CTNNA2: variants seen among roughly 807,000 people sequenced by gnomAD.
CTNNA2 encodes the protein catenin alpha-2.
In CTNNA2, 42 loss-of-function variants were observed where a neutral mutation model predicts 101.0. The ratio of observed to expected loss-of-function variants is 0.42; its 90% CI spans 0.32 to 0.54. The LOEUF is 0.54. Among genes scored for constraint, CTNNA2 ranks in the 20% least tolerant of loss-of-function variants. CTNNA2 has a pLI of 0.14. For missense variants in CTNNA2, 871 were observed against 1,223.1 expected (o/e 0.71, Z 4.29); for synonymous variants, 450 against 456.4 (o/e 0.99, Z 0.18).
intron 9 of CTNNA2, among the ~76,000 whole-genome samples, chr2:80,421,076 G>A (rs1277557105): frequency 6.6e-6 from 1 of 152,040 alleles, no homozygotes; most frequent in Non-Finnish European, 1.5e-5. Flanking sequence ...TGGAAGCTCT[G>A]ATCACTTTCG....
chr2:79,832,505 C>G (rs1212269083), intron 3 of CTNNA2, among the ~76,000 whole-genome samples: 1 of 152,112 alleles, frequency 6.6e-6, no homozygotes, highest in Non-Finnish European at 1.5e-5. Flanking sequence ...TTGATATGGC[C>G]TGTTTTTTGT....
chr2:80,601,421 C>CT (rs56921519), intron 15 of CTNNA2, among the ~76,000 whole-genome samples: 1,372 of 84,364 alleles, frequency 0.016, 39 homozygotes, highest in African/African-American at 0.048. Flanking sequence ...TTCTTTCTTT[C>CT]TTTTTTTTTT....
intron 2 of CTNNA2, among the ~76,000 whole-genome samples, chr2:79,723,263 C>T (rs1573790977): frequency 6.6e-6 from 1 of 152,166 alleles, no homozygotes; most frequent in East Asian, 1.9e-4. Flanking sequence ...GACCAGGGAT[C>T]TCTAAAAAAT....
rs573778006 is a variant in CTNNA2, at chr2:79,624,548, C to T, written c.-5-27004C>T. 2.8e-4 allele frequency among the ~76,000 whole-genome samples: 42 copies of T among 152,142 alleles called. 1 individual carries two copies. In the South Asian group the frequency reaches 7.5e-3, roughly 27 times the overall value. On this transcript the variant is annotated intron_variant, in intron 1 of 18. Coordinates refer to ENST00000402739, the MANE Select transcript of CTNNA2 (RefSeq NM_001282597.3). ...GAAGATATTTTAGGAAAGGTAATGC[C>T]GGGGAGGACTGCAATCAAATAGATG...
chr2:80,531,154 G>A (rs886542611), intron 9 of CTNNA2, among the ~76,000 whole-genome samples: 3 of 152,152 alleles, frequency 2.0e-5, no homozygotes, highest in South Asian at 4.1e-4. Flanking sequence ...GTCAAGGACA[G>A]CAGTCAGGTT....
At chr2:79,992,758 C>T (rs1692270691) in intron 7 of CTNNA2, among the ~76,000 whole-genome samples, 1 of 152,080 alleles carries the variant, frequency 6.6e-6, no homozygotes, top group Non-Finnish European at 1.5e-5. Context: ...TTATGGTTTG[C>T]TTTTTTCTTA....
At chr2:79,683,791 G>A (rs144604212) in intron 2 of CTNNA2, among the ~76,000 whole-genome samples, 1 of 152,316 alleles carries the variant, frequency 6.6e-6, no homozygotes, top group East Asian at 1.9e-4. Flanking sequence ...CAACACAGAT[G>A]CATACAGGCA....
intron 1 of CTNNA2, among the ~76,000 whole-genome samples, chr2:79,642,722 C>T (rs952917459): frequency 3.8e-4 from 58 of 151,876 alleles, no homozygotes; most frequent in African/African-American, 1.4e-3. Context: ...TGGTGGGAGC[C>T]AGGATGCCTT....
At chr2:79,400,994 G>C (rs1678284260) in intron 4 of CTNNA2, among the ~76,000 whole-genome samples, 2 of 151,904 alleles carry the variant, frequency 1.3e-5, no homozygotes, top group Non-Finnish European at 2.9e-5. Context: ...TAAGACTTCT[G>C]TGTCTAGCAA....
intron 7 of CTNNA2, among the ~76,000 whole-genome samples, chr2:80,329,136 C>T (rs984114393): frequency 6.6e-6 from 1 of 152,210 alleles, no homozygotes; most frequent in African/African-American, 2.4e-5. Flanking sequence ...CACACAAACT[C>T]TGTTTGCCCC....
In CTNNA2 at chr2:80,136,435, A is replaced by G. The variant is rs116702242; in HGVS notation, c.1056+226638A>G. 5.3e-3 allele frequency among the ~76,000 whole-genome samples: 813 copies of G among 152,300 alleles called. 8 individuals carry two copies. Among genetic ancestry groups the G allele is most frequent in the African/African-American group, 0.018 (763 of 41,568 alleles). ...ATGCTAAGTTTGTTGGCTTTCTTCT[A>G]TGAATAGTCAATGTACCCTGCTTGG... On this transcript the variant is annotated intron_variant, in intron 7 of 18. Transcript: ENST00000402739.
chr2:79,827,420 A>C (rs1678534031), intron 3 of CTNNA2, among the ~76,000 whole-genome samples: 1 of 152,190 alleles, frequency 6.6e-6, no homozygotes, highest in Admixed American at 6.5e-5. Context: ...GTTGGCTTGC[A>C]GACGGAAAAT....
chr2:80,199,189 A>G (rs1159107485), intron 7 of CTNNA2, among the ~76,000 whole-genome samples: 1 of 144,378 alleles, frequency 6.9e-6, no homozygotes, highest in African/African-American at 2.8e-5. Flanking sequence ...TCAGAAAAAA[A>G]AAAAAAAAAA....
intron 9 of CTNNA2, among the ~76,000 whole-genome samples, chr2:80,432,862 T>C (rs1681669025): frequency 6.6e-6 from 1 of 152,098 alleles, no homozygotes; most frequent in Non-Finnish European, 1.5e-5. Flanking sequence ...TACAAGGTAG[T>C]TGGATGGTAA....
intron 2 of CTNNA2, among the ~76,000 whole-genome samples, chr2:79,682,909 GCAAAAATACAAA>G (rs1683681924): frequency 6.6e-6 from 1 of 152,054 alleles, no homozygotes; most frequent in African/African-American, 2.4e-5. Flanking sequence ...TTTCCTACTT[GCAAAAATACAAA>G]CAAAAATACA....
intron 7 of CTNNA2, among the ~76,000 whole-genome samples, chr2:80,021,170 C>G (rs1008272724): frequency 6.6e-6 from 1 of 151,758 alleles, no homozygotes; most frequent in African/African-American, 2.4e-5. Context: ...CAGGCACATG[C>G]CACCATGCCT....
At chr2:80,443,941 C>A (rs939228115) in intron 9 of CTNNA2, among the ~76,000 whole-genome samples, 3 of 152,112 alleles carry the variant, frequency 2.0e-5, no homozygotes, top group African/African-American at 7.2e-5. Context: ...CCCACTAATG[C>A]CTTGTAAAGT....
intron 7 of CTNNA2, among the ~76,000 whole-genome samples, chr2:80,172,202 T>G (rs1705106516): frequency 6.6e-6 from 1 of 152,224 alleles, no homozygotes; most frequent in South Asian, 2.1e-4. Flanking sequence ...ATGTGTTTTT[T>G]CAGCCCAACT....
intron 5 of CTNNA2, among the ~76,000 whole-genome samples, chr2:79,871,500 A>G (rs1195683250): frequency 6.6e-6 from 1 of 152,118 alleles, no homozygotes; most frequent in African/African-American, 2.4e-5. Context: ...TCTGATGTCC[A>G]AAGGCAGGAG....
Sources: gnomAD v4.1 joint callset for allele counts (sites outside exome capture counted in the v4.1 genomes callset) on GRCh38, gnomAD v4.1.1 for gene constraint, MANE v1.5 for transcripts, NCBI Gene and HGNC (gene_info 2026-07-23, HGNC 2026-07-21) for gene names.